Variants in CADPS2 observed in about 807,000 individuals in gnomAD.
CADPS2 encodes the protein calcium dependent secretion activator 2, also known as calcium-dependent secretion activator 2.
Under a neutral mutation model 172.5 loss-of-function variants are expected in CADPS2, and 93 were observed. The observed-to-expected ratio is 0.54, with a 90% CI of 0.46 to 0.64. CADPS2 has a LOEUF of 0.64. CADPS2 is among the 30% of genes least tolerant of loss of function. The pLI is 0.00. For missense variants in CADPS2, 1,420 were observed against 1,565.9 expected (o/e 0.91, Z 1.57); for synonymous variants, 546 against 555.2 (o/e 0.98, Z 0.23).
chr7:122,556,183 T>A (rs2132050084), intron 7 of CADPS2, among the ~76,000 whole-genome samples: 1 of 152,216 alleles, frequency 6.6e-6, no homozygotes, highest in African/African-American at 2.4e-5. Context: ...ATATCCAGTG[T>A]AATATTTTAC....
chr7:122,697,069 C>G (rs1588493582), intron 2 of CADPS2, among the ~76,000 whole-genome samples: 1 of 152,046 alleles, frequency 6.6e-6, no homozygotes, highest in East Asian at 1.9e-4. Context: ...TTTGCCATGA[C>G]TAAGTATCAA....
chr7:122,439,521 C>G (rs557360608), intron 16 of CADPS2: 1 of 152,142 alleles, frequency 6.6e-6, no homozygotes, highest in South Asian at 2.1e-4. Context: ...AGCCTCAGCA[C>G]TAAGGATTTT....
At chr7:122,671,234 T>C (rs897581154) in intron 2 of CADPS2, among the ~76,000 whole-genome samples, 1 of 152,354 alleles carries the variant, frequency 6.6e-6, no homozygotes, top group East Asian at 1.9e-4. Flanking sequence ...TCATTCACCA[T>C]TCTATCTGTA....
At chr7:122,428,493 G>A (rs937330217) in intron 17 of CADPS2, among the ~76,000 whole-genome samples, 31 of 146,974 alleles carry the variant, frequency 2.1e-4, no homozygotes, top group Non-Finnish European at 3.9e-4. Flanking sequence ...TTGAGACGGA[G>A]TTTTGCTGTT....
intron 1 of CADPS2, among the ~76,000 whole-genome samples, chr7:122,745,723 G>T (rs747006333): frequency 2.0e-5 from 3 of 151,284 alleles, no homozygotes; most frequent in Non-Finnish European, 4.4e-5. Context: ...ATATCAGTTG[G>T]TTGCTATGAA....
intron 15 of CADPS2, among the ~76,000 whole-genome samples, chr7:122,446,800 C>T (rs2052277829): frequency 6.6e-6 from 1 of 152,178 alleles, no homozygotes; most frequent in Non-Finnish European, 1.5e-5. Context: ...CTAGGCTCTA[C>T]CTAGGTTCCT....
chr7:122,698,684 C>T lies in CADPS2; in HGVS notation c.454-35115G>A. The T allele has an allele frequency of 1.9e-6, 3 of 1,613,866 alleles. No individual in the cohort carries two copies. The South Asian group carries it at 3.3e-5, about 18-fold the overall frequency. ...TTACATGCATTTTGGATTTTTCCCT[C>T]TGGTGGCACTATAACTCCTGCCACT... On this transcript the variant is annotated intron_variant, in intron 2 of 29. Transcript: ENST00000449022.
intron 3 of CADPS2, among the ~76,000 whole-genome samples, chr7:122,641,595 T>C (rs950958576): frequency 1.3e-5 from 2 of 152,210 alleles, no homozygotes; most frequent in African/African-American, 4.8e-5. Flanking sequence ...TATTTCATTC[T>C]AGGAAAGGCC....
At position 122,441,555 on chromosome 7, in the gene CADPS2, C is replaced by T. The variant is rs980597816; in HGVS notation, c.2309G>A (p.Arg770Gln). 16 of 1,537,226 alleles carry T rather than the reference C, an allele frequency of 1.0e-5. No homozygotes were observed. The highest frequency in any genetic ancestry group is 5.5e-5 in the African/African-American group (4 of 72,254). Residue 770 changes from arginine to glutamine, a missense_variant, in exon 16 of 30, where the codon CGA becomes CAA. Transcript: ENST00000449022. ...SHFRYCFPFG[R>Q]PEGALKATLS... Reference sequence around the variant, plus strand: ...TGTAGCTTTTAGAGCACCTTCAGGTCGTCCAAAGGGAAAACAGTATCTTTA... The same window carrying T: ...TGTAGCTTTTAGAGCACCTTCAGGTTGTCCAAAGGGAAAACAGTATCTTTA...
chr7:122,501,928 C>T (rs1008418610), intron 9 of CADPS2, among the ~76,000 whole-genome samples: 1 of 131,172 alleles, frequency 7.6e-6, no homozygotes. Flanking sequence ...GAGTCTAGAA[C>T]ACAACTCTCT....
Position 122,441,489 on chromosome 7 carries a change from TATAAA to T in CADPS2, c.2352+18_2352+22del, listed in dbSNP as rs2051349500. ...AGCAACTGAGAAAGCAAATAGTATT[TATAAA>T]GTAATGTTCAAACATACCCTTTCAA... On this transcript the variant is annotated intron_variant, in intron 16 of 29. Transcript: ENST00000449022. The T allele has an allele frequency of 4.0e-6, 6 of 1,482,210 alleles. No individual in the cohort carries two copies. The highest frequency in any genetic ancestry group is 5.4e-6 in the Non-Finnish European group (6 of 1,105,964). 91.8% of individuals were successfully genotyped at this position (1,482,210 alleles called of 1,614,324 possible).
intron 2 of CADPS2, among the ~76,000 whole-genome samples, chr7:122,675,749 C>T (rs559119396): frequency 6.6e-6 from 1 of 152,218 alleles, no homozygotes; most frequent in African/African-American, 2.4e-5. Context: ...CATTCTCACT[C>T]ATAAGTGGGA....
intron 15 of CADPS2, among the ~76,000 whole-genome samples, chr7:122,446,100 T>C (rs1175752267): frequency 6.6e-6 from 1 of 152,204 alleles, no homozygotes; most frequent in Non-Finnish European, 1.5e-5. Context: ...ATGTTAGCCG[T>C]AGGTCTACCA....
At chr7:122,686,160 G>GT (rs1185586143) in intron 2 of CADPS2, among the ~76,000 whole-genome samples, 2 of 152,084 alleles carry the variant, frequency 1.3e-5, no homozygotes, top group Admixed American at 6.5e-5. Context: ...ATACTTTTCA[G>GT]TTTTTTTCTA....
At chr7:122,692,810 ATCC>A (rs1209425622) in intron 2 of CADPS2, among the ~76,000 whole-genome samples, 311 of 152,342 alleles carry the variant, frequency 2.0e-3, no homozygotes, top group African/African-American at 6.7e-3. Context: ...CAGCTTTCCC[ATCC>A]ACAGCTCTCA....
chr7:122,426,641 C>T (rs1486499764), intron 17 of CADPS2, among the ~76,000 whole-genome samples: 1 of 152,146 alleles, frequency 6.6e-6, no homozygotes. Context: ...TTTCATCACT[C>T]TAGTTTTGTA....
chr7:122,399,429 C>G (rs949660157), intron 20 of CADPS2, among the ~76,000 whole-genome samples: 8 of 151,996 alleles, frequency 5.3e-5, no homozygotes, highest in Non-Finnish European at 1.2e-4. Flanking sequence ...CTTAATTAAC[C>G]GAAGCTTATA....
intron 12 of CADPS2, among the ~76,000 whole-genome samples, chr7:122,477,168 CTGGCCCTT>C (rs2056793893): frequency 6.6e-6 from 1 of 152,044 alleles, no homozygotes; most frequent in Non-Finnish European, 1.5e-5. Flanking sequence ...TGCTGGCCCT[CTGGCCCTT>C]GTTTTAAACA....
chr7:122,760,771 A>G (rs955401825), intron 1 of CADPS2, among the ~76,000 whole-genome samples: 1 of 130,982 alleles, frequency 7.6e-6, no homozygotes, highest in Non-Finnish European at 1.5e-5. Context: ...ATGAGAATGC[A>G]TGGATACAGG....
Sources: allele counts gnomAD v4.1 joint callset (sites outside exome capture counted in the v4.1 genomes callset), GRCh38; gene constraint gnomAD v4.1.1; transcripts MANE v1.5; gene names NCBI Gene and HGNC (gene_info 2026-07-23, HGNC 2026-07-21).